Variants in AGBL4 observed in about 807,000 individuals in gnomAD.
AGBL4 encodes the protein cytosolic carboxypeptidase 6.
Under a neutral mutation model 66.4 loss-of-function variants are expected in AGBL4, and 58 were observed. The ratio of observed to expected loss-of-function variants is 0.87; its 90% CI spans 0.71 to 1.09. AGBL4 has a LOEUF of 1.09. AGBL4 is among the 50% of genes least tolerant of loss of function. The probability of loss-of-function intolerance (pLI) is 0.00; values close to 1 mark genes in which losing one functional copy is unlikely to be tolerated. For synonymous variants in AGBL4, 234 were observed against 222.9 expected (o/e 1.05, Z -0.44); for missense variants, 579 against 631.0 (o/e 0.92, Z 0.88).
chr1:48,542,974 T>C (rs1475422810), intron 11 of AGBL4, among the ~76,000 whole-genome samples: 1 of 152,162 alleles, frequency 6.6e-6, no homozygotes, highest in Admixed American at 6.6e-5. Flanking sequence ...AATAACCCAA[T>C]GAAGTAGGTA....
At chr1:49,488,100 A>T (rs1647106697) in intron 3 of AGBL4, among the ~76,000 whole-genome samples, 1 of 151,920 alleles carries the variant, frequency 6.6e-6, no homozygotes, top group African/African-American at 2.4e-5. Flanking sequence ...AATTTTTGTT[A>T]TGAAATATTT....
intron 3 of AGBL4, among the ~76,000 whole-genome samples, chr1:49,352,582 G>T (rs1390392665): frequency 1.3e-5 from 2 of 152,008 alleles, no homozygotes; most frequent in African/African-American, 4.8e-5. Flanking sequence ...GAAGCCATAG[G>T]TCTGATAATA....
chr1:49,795,444 G>C (rs953009423), intron 2 of AGBL4, among the ~76,000 whole-genome samples: 2 of 151,888 alleles, frequency 1.3e-5, no homozygotes, highest in African/African-American at 2.4e-5. Flanking sequence ...GAATAAATGA[G>C]AAGGATGTAA....
rs371325248 is a variant in AGBL4, at chr1:49,842,813, C to T, written c.157+8583G>A. Among the ~76,000 whole-genome samples, 52 of 152,236 alleles carry T rather than the reference C, an allele frequency of 3.4e-4. 1 individual carries two copies. In the South Asian group the frequency reaches 9.5e-3, roughly 28 times the overall value. ...GTGACTTGAAGCCTGAGCCATGAGGCAGTCTGAGAGAATACTAGCATTTCA... is the reference window on the plus strand; with the variant it reads ...GTGACTTGAAGCCTGAGCCATGAGGTAGTCTGAGAGAATACTAGCATTTCA... On this transcript the variant is annotated intron_variant, in intron 2 of 13. Coordinates refer to ENST00000371839, the MANE Select transcript of AGBL4 (RefSeq NM_032785.4).
chr1:49,781,895 G>A (rs1281518083), intron 2 of AGBL4, among the ~76,000 whole-genome samples: 1 of 151,576 alleles, frequency 6.6e-6, no homozygotes, highest in South Asian at 2.1e-4. Context: ...ATAATTAATG[G>A]GTCAAAAAAG....
chr1:49,367,469 T>C (rs1488683036), intron 3 of AGBL4, among the ~76,000 whole-genome samples: 1 of 152,232 alleles, frequency 6.6e-6, no homozygotes, highest in Non-Finnish European at 1.5e-5. Context: ...GTTTGTGCTA[T>C]GCTTCATGTA....
chr1:49,809,093 T>C (rs1453588103), intron 2 of AGBL4, among the ~76,000 whole-genome samples: 1 of 152,174 alleles, frequency 6.6e-6, no homozygotes, highest in African/African-American at 2.4e-5. Flanking sequence ...TATTAAATAT[T>C]ACATTTTATT....
intron 2 of AGBL4, among the ~76,000 whole-genome samples, chr1:49,806,759 C>T (rs1226054364): frequency 1.3e-5 from 2 of 152,062 alleles, no homozygotes; most frequent in East Asian, 3.9e-4. Flanking sequence ...ACCTGGGGGA[C>T]AGAATAATTT....
chr1:49,379,085 C>CACA (rs1249918072), intron 3 of AGBL4, among the ~76,000 whole-genome samples: 1 of 151,972 alleles, frequency 6.6e-6, no homozygotes, highest in Non-Finnish European at 1.5e-5. Flanking sequence ...ATTTGTATGC[C>CACA]CTAGTATAGT....
chr1:49,867,919 C>G (rs1291247415), intron 1 of AGBL4, among the ~76,000 whole-genome samples: 1 of 152,134 alleles, frequency 6.6e-6, no homozygotes, highest in Non-Finnish European at 1.5e-5. Flanking sequence ...TTAAAAGACA[C>G]AGAATGGCAA....
intron 6 of AGBL4, among the ~76,000 whole-genome samples, chr1:48,813,513 G>C (rs1369524035): frequency 6.6e-6 from 1 of 152,158 alleles, no homozygotes; most frequent in Non-Finnish European, 1.5e-5. Flanking sequence ...GCTCCCAGGA[G>C]GAGGCTGACC....
intron 3 of AGBL4, among the ~76,000 whole-genome samples, chr1:49,340,824 G>A (rs1305155928): frequency 2.0e-5 from 3 of 152,072 alleles, no homozygotes; most frequent in East Asian, 1.9e-4. Flanking sequence ...TACTGACCAG[G>A]GCCAGGACTT....
intron 1 of AGBL4, among the ~76,000 whole-genome samples, chr1:49,968,515 C>G (rs957540589): frequency 6.6e-6 from 1 of 152,156 alleles, no homozygotes; most frequent in East Asian, 1.9e-4. Flanking sequence ...TTTGGCAGAG[C>G]TAAAAATTGC....
At chr1:49,238,000 C>T (rs1231240752) in intron 4 of AGBL4, among the ~76,000 whole-genome samples, 1 of 151,998 alleles carries the variant, frequency 6.6e-6, no homozygotes, top group African/African-American at 2.4e-5. Context: ...GTTCTTTTAG[C>T]ATTTGAAAAA....
At chr1:49,285,127 T>C (rs1238523438) in intron 3 of AGBL4, among the ~76,000 whole-genome samples, 1 of 151,802 alleles carries the variant, frequency 6.6e-6, no homozygotes, top group Admixed American at 6.6e-5. Context: ...GAAGTAAAGC[T>C]CTCCTCAGCA....
intron 5 of AGBL4, among the ~76,000 whole-genome samples, chr1:48,997,829 C>A (rs1661130253): frequency 6.6e-6 from 1 of 152,184 alleles, no homozygotes; most frequent in Non-Finnish European, 1.5e-5. Context: ...ATGGATATTG[C>A]CACCAGTGGT....
intron 2 of AGBL4, among the ~76,000 whole-genome samples, chr1:49,822,044 TG>T (rs2147994462): frequency 6.6e-6 from 1 of 152,178 alleles, no homozygotes; most frequent in South Asian, 2.1e-4. Flanking sequence ...CCATAAAAGT[TG>T]GATTGGGGAG....
chr1:48,622,824 G>T (rs1645438679), intron 9 of AGBL4, among the ~76,000 whole-genome samples: 1 of 152,040 alleles, frequency 6.6e-6, no homozygotes, highest in African/African-American at 2.4e-5. Flanking sequence ...AAATTTTTTT[G>T]AGAATTATGT....
intron 9 of AGBL4, among the ~76,000 whole-genome samples, chr1:48,615,107 A>T (rs1645297558): frequency 6.6e-6 from 1 of 152,100 alleles, no homozygotes; most frequent in African/African-American, 2.4e-5. Flanking sequence ...AAGTGCAGGG[A>T]TGGGTAGGAA....
Sources: allele counts gnomAD v4.1 joint callset (sites outside exome capture counted in the v4.1 genomes callset), GRCh38; gene constraint gnomAD v4.1.1; transcripts MANE v1.5; gene names NCBI Gene and HGNC (gene_info 2026-07-23, HGNC 2026-07-21).